The following PCNX1 variants were observed in gnomAD, a reference collection of about 807,000 sequenced individuals.
PCNX1 encodes pecanex-like protein 1.
In PCNX1, 78 loss-of-function variants were observed where a neutral mutation model predicts 242.2. That is an observed-to-expected ratio of 0.32 (90% CI 0.27 to 0.39). PCNX1 has a LOEUF of 0.39. PCNX1 is among the 10% of genes least tolerant of loss of function. The probability of loss-of-function intolerance (pLI) is 1.00; values close to 1 mark genes in which losing one functional copy is unlikely to be tolerated. For missense variants in PCNX1, 2,581 were observed against 2,856.5 expected (o/e 0.90, Z 2.20); for synonymous variants, 1,024 against 1,032.9 (o/e 0.99, Z 0.17).
chr14:70,948,932 CAT>C (rs1255233975), intron 2 of PCNX1, among the ~76,000 whole-genome samples: 4 of 142,678 alleles, frequency 2.8e-5, no homozygotes, highest in Non-Finnish European at 4.6e-5. Context: ...TATATATGTA[CAT>C]ATATGTACAT....
chr14:70,925,563 CTCA>C (rs1392527418), intron 1 of PCNX1, among the ~76,000 whole-genome samples: 1 of 145,628 alleles, frequency 6.9e-6, no homozygotes, highest in African/African-American at 2.6e-5. Context: ...TCTCACTTAC[CTCA>C]TCTTTTTTTT....
At chr14:71,089,443 C>T (rs1434523460) in intron 30 of PCNX1, 101 bp downstream of exon 30, 11 of 830,468 alleles carry the variant, frequency 1.3e-5, no homozygotes, top group East Asian at 5.5e-5. Context: ...AAGGAATACC[C>T]GAGACTGGGT....
chr14:70,987,205 G>T (rs1339703908), intron 6 of PCNX1, among the ~76,000 whole-genome samples: 1 of 152,122 alleles, frequency 6.6e-6, no homozygotes, highest in Non-Finnish European at 1.5e-5. Flanking sequence ...TCACAAAAAG[G>T]CAACCTTATC....
chr14:71,085,336 TC>T (rs2061958455), intron 28 of PCNX1: 1 of 152,230 alleles, frequency 6.6e-6, no homozygotes, highest in Non-Finnish European at 1.5e-5. Context: ...TCATTGAGAT[TC>T]TTCAATCTGT....
chr14:70,976,894 G>A (rs1595113221), intron 5 of PCNX1, 48 bp from the exon 6 acceptor site: 1 of 1,509,078 alleles, frequency 6.6e-7, no homozygotes, highest in Non-Finnish European at 9.1e-7. Flanking sequence ...CAGTAGAAAA[G>A]CAGATCATAC....
intron 12 of PCNX1, among the ~76,000 whole-genome samples, chr14:71,019,795 A>T (rs561799071): frequency 6.6e-6 from 1 of 151,938 alleles, no homozygotes; most frequent in East Asian, 1.9e-4. Flanking sequence ...GTTCTGGGAT[A>T]CATGTGCAGA....
At position 71,019,133 on chromosome 14, in the gene PCNX1, A is replaced by G; in HGVS notation, c.3121A>G (p.Ile1041Val). ...CTGGGTCTTCCAGTTCTGCCTCGTC[A>G]TAGCCAGCTGTCAATACTCACTGCT... ...DIWVFQFCLV[I>V]ASCQYSLLKS... The change falls in exon 12 of 36, where the codon ATA becomes GTA. Residue 1041 changes from isoleucine (I) to valine (V), a missense_variant. Ile to Val is a conservative substitution (Grantham distance 29). This residue lies in a region of PCNX1 where 55 missense variants were observed against 49.8 expected (regional missense o/e 1.10). Transcript: ENST00000304743. The G allele has an allele frequency of 6.2e-6, 10 of 1,611,784 alleles. No homozygotes were observed. Among genetic ancestry groups the G allele is most frequent in the Non-Finnish European group, 8.5e-6 (10 of 1,178,896 alleles).
At chr14:70,933,158 G>A (rs1233367387) in intron 1 of PCNX1, among the ~76,000 whole-genome samples, 2 of 152,200 alleles carry the variant, frequency 1.3e-5, no homozygotes, top group Non-Finnish European at 2.9e-5. Flanking sequence ...ACTGTTGAAT[G>A]TGCCTTGATT....
At chr14:71,025,630 G>A (rs907640670) in intron 13 of PCNX1, among the ~76,000 whole-genome samples, 1 of 151,852 alleles carries the variant, frequency 6.6e-6, no homozygotes, top group Non-Finnish European at 1.5e-5. Context: ...AAAATAATGA[G>A]ACTGTGGGAG....
chr14:70,930,498 T>C (rs769748527), intron 1 of PCNX1, among the ~76,000 whole-genome samples: 5 of 152,206 alleles, frequency 3.3e-5, no homozygotes, highest in Middle Eastern at 3.2e-3. Context: ...GCTAAAAATA[T>C]AAATATTAAT....
At chr14:70,946,802 CAT>C in intron 1 of PCNX1, 111 bp from the exon 2 acceptor site, 1 of 789,558 alleles carries the variant, frequency 1.3e-6, no homozygotes, top group South Asian at 1.9e-5. Flanking sequence ...GCGCTAGTAA[CAT>C]AGTTGTTGCT....
intron 3 of PCNX1, among the ~76,000 whole-genome samples, chr14:70,967,317 T>C (rs910955430): frequency 2.0e-5 from 3 of 152,226 alleles, no homozygotes; most frequent in African/African-American, 7.2e-5. Flanking sequence ...TATAAAGTAG[T>C]ATATGAATGT....
intron 1 of PCNX1, among the ~76,000 whole-genome samples, chr14:70,946,252 A>G (rs535472819): frequency 6.6e-6 from 1 of 152,244 alleles, no homozygotes; most frequent in African/African-American, 2.4e-5. Flanking sequence ...TGTCTTCCAT[A>G]TCTTACCTGG....
chr14:71,044,616 G>C (rs1197138065), intron 19 of PCNX1: 3 of 152,816 alleles, frequency 2.0e-5, no homozygotes, highest in Admixed American at 2.0e-4. Flanking sequence ...GTGATGAACA[G>C]GTCAGTGATG....
chr14:71,017,355 T>A (rs1290221935), intron 11 of PCNX1, among the ~76,000 whole-genome samples: 1 of 152,098 alleles, frequency 6.6e-6, no homozygotes, highest in African/African-American at 2.4e-5. Context: ...GATTTCCATA[T>A]GCAAAAAAAT....
intron 1 of PCNX1, among the ~76,000 whole-genome samples, chr14:70,942,708 T>G (rs1196124068): frequency 6.6e-6 from 1 of 152,186 alleles, no homozygotes; most frequent in Non-Finnish European, 1.5e-5. Context: ...AACCTCCATG[T>G]GTTAGGTATC....
intron 24 of PCNX1, among the ~76,000 whole-genome samples, chr14:71,053,826 TAGTG>T (rs1414677195): frequency 1.3e-5 from 2 of 152,216 alleles, no homozygotes; most frequent in African/African-American, 4.8e-5. Context: ...CCCAAAAAAT[TAGTG>T]AGAAGAGTGG....
At chr14:71,075,730 C>T (rs938368136) in intron 27 of PCNX1, among the ~76,000 whole-genome samples, 1 of 151,918 alleles carries the variant, frequency 6.6e-6, no homozygotes, top group Non-Finnish European at 1.5e-5. Context: ...AAACCCATCT[C>T]TACTAAAAAT....
intron 2 of PCNX1, among the ~76,000 whole-genome samples, chr14:70,955,348 G>A (rs2057951817): frequency 6.6e-6 from 1 of 152,162 alleles, no homozygotes; most frequent in Non-Finnish European, 1.5e-5. Context: ...CTTTGTTCCT[G>A]TGAATATAGG....
Sources: allele counts gnomAD v4.1 joint callset (sites outside exome capture counted in the v4.1 genomes callset), GRCh38; gene constraint gnomAD v4.1.1; regional missense constraint gnomAD v4.1.1; transcripts MANE v1.5; gene names NCBI Gene and HGNC (gene_info 2026-07-23, HGNC 2026-07-21).